PTPRD: variants seen among roughly 807,000 people sequenced by gnomAD.
PTPRD encodes the protein receptor-type tyrosine-protein phosphatase delta.
A neutral mutation model predicts 214.5 loss-of-function variants in PTPRD; 34 were observed. The ratio of observed to expected loss-of-function variants is 0.16; its 90% CI spans 0.12 to 0.21. PTPRD has a LOEUF of 0.21. Among genes scored for constraint, PTPRD ranks in the 10% least tolerant of loss-of-function variants. The probability of loss-of-function intolerance (pLI) is 1.00; values close to 1 mark genes in which losing one functional copy is unlikely to be tolerated. For synonymous variants in PTPRD, 1,128 were observed against 845.7 expected (o/e 1.33, Z -5.79); for missense variants, 2,545 against 2,398.7 (o/e 1.06, Z -1.27).
At chr9:9,542,610 A>G (rs569388037) in intron 8 of PTPRD, among the ~76,000 whole-genome samples, 4 of 151,888 alleles carry the variant, frequency 2.6e-5, no homozygotes, top group Admixed American at 6.6e-5. Flanking sequence ...AACTTGACAA[A>G]TCAATAATAT....
At chr9:9,027,145 A>G (rs1481379565) in intron 10 of PTPRD, among the ~76,000 whole-genome samples, 2 of 151,582 alleles carry the variant, frequency 1.3e-5, no homozygotes, top group Admixed American at 1.3e-4. Flanking sequence ...TACATTCTGA[A>G]TTTTGTCCAG....
At chr9:9,758,708 C>G (rs567327349) in intron 6 of PTPRD, among the ~76,000 whole-genome samples, 48 of 152,122 alleles carry the variant, frequency 3.2e-4, no homozygotes, top group Non-Finnish European at 5.6e-4. Context: ...CAAGGACGCT[C>G]CAGAACCTCT....
intron 10 of PTPRD, among the ~76,000 whole-genome samples, chr9:9,051,223 T>C (rs542225193): frequency 6.6e-4 from 100 of 152,228 alleles, no homozygotes; most frequent in African/African-American, 2.4e-3. Flanking sequence ...ATCTGTCAAT[T>C]AAAAAATCTA....
intron 3 of PTPRD, among the ~76,000 whole-genome samples, chr9:10,167,386 C>T (rs1300079289): frequency 6.6e-6 from 1 of 152,086 alleles, no homozygotes; most frequent in Non-Finnish European, 1.5e-5. Flanking sequence ...GTAAAGTGCA[C>T]ATTCCCTTTC....
chr9:9,122,495 T>C (rs1313794868), intron 10 of PTPRD, among the ~76,000 whole-genome samples: 3 of 152,162 alleles, frequency 2.0e-5, no homozygotes, highest in Admixed American at 2.0e-4. Context: ...CTCTATTTTT[T>C]TCCTTTTTAG....
intron 2 of PTPRD, among the ~76,000 whole-genome samples, chr9:10,571,806 T>C (rs2131982565): frequency 6.6e-6 from 1 of 152,176 alleles, no homozygotes; most frequent in South Asian, 2.1e-4. Flanking sequence ...CCTAGATCTC[T>C]CACATGAGCA....
At chr9:10,306,709 A>G (rs1487640827) in intron 3 of PTPRD, among the ~76,000 whole-genome samples, 1 of 152,086 alleles carries the variant, frequency 6.6e-6, no homozygotes, top group East Asian at 1.9e-4. Context: ...TCAAAATTCT[A>G]TGTTGTCTTG....
chr9:9,892,441 C>T (rs565361260), intron 5 of PTPRD, among the ~76,000 whole-genome samples: 14 of 152,120 alleles, frequency 9.2e-5, no homozygotes, highest in Middle Eastern at 3.4e-3. Context: ...GAAAGTAGAT[C>T]TAGGGCACAG....
chr9:8,451,481 G>C (rs1275726489), intron 33 of PTPRD, among the ~76,000 whole-genome samples: 1 of 152,146 alleles, frequency 6.6e-6, no homozygotes, highest in Non-Finnish European at 1.5e-5. Flanking sequence ...TGAGGACGAA[G>C]AAAAAGACAG....
chr9:10,525,029 C>T (rs943916599), intron 2 of PTPRD, among the ~76,000 whole-genome samples: 2 of 151,472 alleles, frequency 1.3e-5, no homozygotes, highest in Non-Finnish European at 2.9e-5. Context: ...CAGACAAATG[C>T]TTCGGTTTCT....
intron 6 of PTPRD, among the ~76,000 whole-genome samples, chr9:9,744,289 G>A (rs568606889): frequency 2.2e-4 from 34 of 152,180 alleles, no homozygotes; most frequent in African/African-American, 6.7e-4. Flanking sequence ...GAAATGAGTC[G>A]TTTTAGAGTA....
intron 2 of PTPRD, among the ~76,000 whole-genome samples, chr9:10,366,322 T>C (rs1016431284): frequency 4.6e-5 from 7 of 152,174 alleles, no homozygotes; most frequent in African/African-American, 1.2e-4. Flanking sequence ...GTATACAGAA[T>C]ACGGAAGGCT....
At chr9:9,605,332 A>G (rs550325867) in intron 7 of PTPRD, among the ~76,000 whole-genome samples, 81 of 152,186 alleles carry the variant, frequency 5.3e-4, no homozygotes, top group African/African-American at 1.9e-3. Flanking sequence ...TTCCTCAGAT[A>G]TGTGCAGTCC....
chr9:10,318,457 G>A lies in PTPRD; in HGVS notation c.-545+22506C>T, dbSNP rs12001092. 4.2e-3 allele frequency among the ~76,000 whole-genome samples: 640 copies of A among 152,020 alleles called. 6 individuals are homozygous for A. Among genetic ancestry groups the A allele is most frequent in the African/African-American group, 0.015 (602 of 41,508 alleles). ...ACATATTAAAGGGCCTCAGGTTCCCGTCAGGCCTTACCCGTGCCTCTTAGT... is the reference window on the plus strand; with the variant it reads ...ACATATTAAAGGGCCTCAGGTTCCCATCAGGCCTTACCCGTGCCTCTTAGT... On this transcript the variant is annotated intron_variant, in intron 3 of 45. Transcript: ENST00000381196.
chr9:8,618,866 T>TTGTG (rs371767469), intron 14 of PTPRD, among the ~76,000 whole-genome samples: 13,085 of 130,808 alleles, frequency 0.1, 726 homozygotes, highest in South Asian at 0.15. Flanking sequence ...CCAGCTAATT[T>TTGTG]TGTGTGTGTG....
At chr9:8,417,065 A>G (rs1375705541) in intron 35 of PTPRD, among the ~76,000 whole-genome samples, 1 of 152,162 alleles carries the variant, frequency 6.6e-6, no homozygotes, top group Admixed American at 6.6e-5. Context: ...AGTAAGGAAA[A>G]TAGATTAAAC....
chr9:8,421,277 T>C (rs560836655), intron 35 of PTPRD, among the ~76,000 whole-genome samples: 2 of 152,248 alleles, frequency 1.3e-5, no homozygotes, highest in East Asian at 3.9e-4. Flanking sequence ...CTCTCATTCC[T>C]TCCTTCTCTC....
intron 22 of PTPRD, among the ~76,000 whole-genome samples, chr9:8,505,805 A>G (rs541745339): frequency 6.6e-6 from 1 of 152,256 alleles, no homozygotes; most frequent in South Asian, 2.1e-4. Context: ...TAGCTATGCC[A>G]ACATTTAAGC....
chr9:9,506,379 A>G (rs2096571189), intron 8 of PTPRD, among the ~76,000 whole-genome samples: 1 of 151,392 alleles, frequency 6.6e-6, no homozygotes, highest in South Asian at 2.1e-4. Context: ...TAAAAAAAAG[A>G]CTTTCCTAAG....
Sources: gnomAD v4.1 joint callset for allele counts (sites outside exome capture counted in the v4.1 genomes callset) on GRCh38, gnomAD v4.1.1 for gene constraint, MANE v1.5 for transcripts, NCBI Gene and HGNC (gene_info 2026-07-23, HGNC 2026-07-21) for gene names.